Variants in RBFOX1 observed in about 807,000 individuals in gnomAD.
RBFOX1 encodes RNA binding protein fox-1 homolog 1.
In RBFOX1, 8 loss-of-function variants were observed where a neutral mutation model predicts 57.7. That is an observed-to-expected ratio of 0.14 (90% confidence interval 0.08 to 0.25). The LOEUF (loss-of-function observed/expected upper bound fraction) is 0.25, where lower values mean the gene tolerates loss of function less well. RBFOX1 is among the 10% of genes least tolerant of loss of function. RBFOX1 has a pLI of 1.00. For synonymous variants in RBFOX1, 326 were observed against 222.4 expected (o/e 1.47, Z -4.15); for missense variants, 611 against 548.5 (o/e 1.11, Z -1.14).
intron 3 of RBFOX1, among the ~76,000 whole-genome samples, chr16:5,630,689 T>C (rs911903274): frequency 3.3e-5 from 5 of 152,122 alleles, no homozygotes; most frequent in African/African-American, 4.8e-5. Context: ...GCCGGCTTCT[T>C]ATTCTTTTTC....
At chr16:6,579,844 C>G (rs534069085) in intron 2 of RBFOX1, among the ~76,000 whole-genome samples, 2 of 152,220 alleles carry the variant, frequency 1.3e-5, no homozygotes, top group African/African-American at 4.8e-5. Context: ...TATCAGCCTC[C>G]TAAAGTGCTA....
chr16:6,979,583 C>T (rs868353197), intron 3 of RBFOX1, among the ~76,000 whole-genome samples: 13 of 152,264 alleles, frequency 8.5e-5, no homozygotes, highest in Middle Eastern at 3.4e-3. Context: ...AGGATTGCAG[C>T]ACAGTACAGG....
At chr16:7,362,532 C>G (rs1219856654) in intron 4 of RBFOX1, among the ~76,000 whole-genome samples, 1 of 151,280 alleles carries the variant, frequency 6.6e-6, no homozygotes, top group African/African-American at 2.4e-5. Context: ...ACATGTGTGT[C>G]AGTGTGTAGA....
At chr16:6,971,596 A>T (rs570641295) in intron 3 of RBFOX1, among the ~76,000 whole-genome samples, 2 of 152,260 alleles carry the variant, frequency 1.3e-5, no homozygotes, top group South Asian at 4.2e-4. Context: ...ACCAGCTGTT[A>T]CATGGAATAT....
chr16:5,628,725 C>G (rs867770938), intron 3 of RBFOX1, among the ~76,000 whole-genome samples: 1 of 152,210 alleles, frequency 6.6e-6, no homozygotes, highest in Non-Finnish European at 1.5e-5. Context: ...ATAGCAGTCT[C>G]TTGCTTTTCA....
intron 1 of RBFOX1, among the ~76,000 whole-genome samples, chr16:5,437,025 C>T (rs2067938932): frequency 6.6e-6 from 1 of 152,162 alleles, no homozygotes; most frequent in Admixed American, 6.6e-5. Flanking sequence ...TGTCTACAGG[C>T]TGCAAGAGAC....
intron 2 of RBFOX1, among the ~76,000 whole-genome samples, chr16:5,519,147 G>C (rs2043914201): frequency 6.6e-6 from 1 of 152,216 alleles, no homozygotes; most frequent in Non-Finnish European, 1.5e-5. Context: ...AGAACTGTGA[G>C]AGAAGTAAAT....
At chr16:7,223,050 T>G (rs1013711823) in intron 4 of RBFOX1, among the ~76,000 whole-genome samples, 1 of 152,204 alleles carries the variant, frequency 6.6e-6, no homozygotes, top group African/African-American at 2.4e-5. Context: ...TAAGCCTGAT[T>G]GCAGATGCGA....
At chr16:6,473,365 G>A (rs577568369) in intron 2 of RBFOX1, among the ~76,000 whole-genome samples, 1 of 152,200 alleles carries the variant, frequency 6.6e-6, no homozygotes, top group East Asian at 1.9e-4. Context: ...GTCAGTTCAT[G>A]CAATAATGGA....
At chr16:6,300,201 A>G (rs992308660) in intron 1 of RBFOX1, among the ~76,000 whole-genome samples, 5 of 152,216 alleles carry the variant, frequency 3.3e-5, no homozygotes, top group Non-Finnish European at 7.3e-5. Context: ...AGGGGAGGAA[A>G]TGGGGAGATG....
At chr16:7,385,756 G>T (rs2097863930) in intron 4 of RBFOX1, among the ~76,000 whole-genome samples, 1 of 151,658 alleles carries the variant, frequency 6.6e-6, no homozygotes, top group Non-Finnish European at 1.5e-5. Flanking sequence ...AGCTTTTAAG[G>T]TTTTTGGTTT....
chr16:5,389,698 GTTATT>G (rs930745128), intron 1 of RBFOX1, among the ~76,000 whole-genome samples: 16 of 150,068 alleles, frequency 1.1e-4, no homozygotes, highest in African/African-American at 3.9e-4. Context: ...TTTATTTTAT[GTTATT>G]TTATTTTATT....
intron 5 of RBFOX1, among the ~76,000 whole-genome samples, chr16:7,549,379 A>G (rs9940785): frequency 0.29 from 43,996 of 152,098 alleles, 7,733 homozygotes; most frequent in African/African-American, 0.49. Flanking sequence ...TAGGTGCAAG[A>G]GGAAGCCACT....
chr16:6,549,589 C>T (rs909584175), intron 2 of RBFOX1, among the ~76,000 whole-genome samples: 1 of 150,794 alleles, frequency 6.6e-6, no homozygotes, highest in Non-Finnish European at 1.5e-5. Context: ...AGGAGGAAAG[C>T]ATTCACTTGA....
At chr16:5,365,846 T>A (rs2065698519) in intron 1 of RBFOX1, 18 of 516,250 alleles carry the variant, frequency 3.5e-5, no homozygotes, top group South Asian at 2.5e-4. Context: ...CCCAGAACTG[T>A]CTTTTCGGGT....
intron 4 of RBFOX1, among the ~76,000 whole-genome samples, chr16:7,268,146 T>C (rs1448963967): frequency 2.6e-5 from 4 of 152,188 alleles, no homozygotes; most frequent in East Asian, 3.9e-4. Flanking sequence ...TGCACCTCAA[T>C]ATAGCTAACC....
At chr16:7,345,703 G>A (rs1461205376) in intron 4 of RBFOX1, among the ~76,000 whole-genome samples, 1 of 152,184 alleles carries the variant, frequency 6.6e-6, no homozygotes, top group Non-Finnish European at 1.5e-5. Context: ...TGGATAAAAA[G>A]CCTTTCATTA....
At chr16:7,155,730 T>TATATATAC (rs1567490276) in intron 4 of RBFOX1, among the ~76,000 whole-genome samples, 1 of 82,052 alleles carries the variant, frequency 1.2e-5, no homozygotes, top group African/African-American at 6.9e-5. Flanking sequence ...TATATATATA[T>TATATATAC]ATATATATAC....
intron 1 of RBFOX1, among the ~76,000 whole-genome samples, chr16:6,256,549 A>C (rs538877636): frequency 8.6e-5 from 13 of 151,928 alleles, no homozygotes; most frequent in Middle Eastern, 3.4e-3. Context: ...CATTGGTTGC[A>C]GTTGTGAATT....
Sources: gnomAD v4.1 joint callset for allele counts (sites outside exome capture counted in the v4.1 genomes callset) on GRCh38, gnomAD v4.1.1 for gene constraint, MANE v1.5 for transcripts, NCBI Gene and HGNC (gene_info 2026-07-23, HGNC 2026-07-21) for gene names.